Variants in PAK6 observed in about 807,000 individuals in gnomAD.
The protein encoded by PAK6 is serine/threonine-protein kinase PAK 6.
PAK6 carries 33 observed loss-of-function variants against 60.8 expected under a neutral mutation model. That is an observed-to-expected ratio of 0.54 (90% CI 0.41 to 0.73). PAK6 has a LOEUF of 0.73. PAK6 is among the 30% of genes least tolerant of loss of function. The pLI, the probability that PAK6 is intolerant of heterozygous loss-of-function variation, is 0.00. For missense variants in PAK6, 845 were observed against 904.1 expected, an observed-to-expected ratio of 0.93 and a Z score of 0.84; for synonymous variants, 404 against 378.5, an observed-to-expected ratio of 1.07 and a Z score of -0.78.
At chr15:40,271,723 G>A (rs565552540) in intron 5 of PAK6, among the ~76,000 whole-genome samples, 5 of 150,302 alleles carry the variant, frequency 3.3e-5, no homozygotes, top group Admixed American at 2.6e-4. Flanking sequence ...CCTTGGTTCA[G>A]GGAGTGGAGA....
At chr15:40,268,274 G>A (rs1391804734) in intron 5 of PAK6, among the ~76,000 whole-genome samples, 5 of 152,286 alleles carry the variant, frequency 3.3e-5, no homozygotes, top group Admixed American at 1.3e-4. Context: ...GCTTCTCAGC[G>A]TCCTCACTGC....
At chr15:40,274,007 C>G in intron 9 of PAK6, 135 bp from the exon 10 acceptor site, 2 of 1,025,756 alleles carry the variant, frequency 1.9e-6, no homozygotes, top group South Asian at 2.8e-5. Context: ...GGGCAGGTGA[C>G]CAGGGGAGGA....
Position 40,276,147 on chromosome 15 carries a change from A to G in PAK6, c.*53A>G, listed in dbSNP as rs1008467992. On this transcript the variant is annotated 3_prime_UTR_variant, in exon 11 of 11. Coordinates refer to ENST00000560346, the Ensembl canonical transcript of PAK6. ...CGCCCACAGGCAGGGCACACTGGGC[A>G]GCCAGCCTGCCGGCAGGACTTGCCT... The G allele has an allele frequency of 1.9e-6, 3 of 1,559,712 alleles. No homozygotes were observed. The East Asian group carries it at 6.8e-5, about 35-fold the overall frequency.
intron 5 of PAK6, among the ~76,000 whole-genome samples, chr15:40,270,469 C>T (rs924514708): frequency 4.6e-5 from 7 of 152,226 alleles, no homozygotes; most frequent in African/African-American, 1.4e-4. Context: ...TCTCTGCACA[C>T]GTCCCTGCAT....
At chr15:40,249,227 C>G (rs1437691098) in intron 2 of PAK6, among the ~76,000 whole-genome samples, 2 of 152,004 alleles carry the variant, frequency 1.3e-5, no homozygotes, top group Non-Finnish European at 2.9e-5. Flanking sequence ...AATCACCTGC[C>G]AACAACCCCG....
chr15:40,240,826 G>A (rs750222241), intron 2 of PAK6, 145 bp downstream of exon 2: 29 of 328,136 alleles, frequency 8.8e-5, no homozygotes, highest in Admixed American at 3.7e-4. Flanking sequence ...CTCCCCACCC[G>A]GCCTGCCACC....
exon 5 of PAK6, chr15:40,265,977 C>A: frequency 6.2e-7 from 1 of 1,602,736 alleles, no homozygotes; most frequent in Non-Finnish European, 8.5e-7. Flanking sequence ...GGCACAGTCC[C>A]TGGGGCTGCT....
intron 5 of PAK6, among the ~76,000 whole-genome samples, chr15:40,267,466 G>A (rs970432712): frequency 2.0e-5 from 3 of 152,184 alleles, no homozygotes; most frequent in Non-Finnish European, 4.4e-5. Context: ...GACCATCCTC[G>A]CTAACACGGT....
chr15:40,252,942 C>T, intron 2 of PAK6: 1 of 961,580 alleles, frequency 1.0e-6, no homozygotes, highest in Non-Finnish European at 1.3e-6. Flanking sequence ...GCCGGGTGGC[C>T]GCGCCGGGTC....
rs747844675 is a variant in PAK6, at chr15:40,253,210, G to T, written c.-85G>T. The T allele has an allele frequency of 2.6e-5, 12 of 456,008 alleles. No homozygotes were observed. In the East Asian group the frequency reaches 4.9e-4, roughly 18 times the overall value. 28.2% of individuals were successfully genotyped at this position (456,008 alleles called of 1,614,324 possible). A position where few individuals can be genotyped will look rare whatever the true frequency, so the allele number is the denominator to read the frequency against. On this transcript the variant is annotated 5_prime_UTR_variant, in exon 3 of 11. Transcript: ENST00000560346. ...GAGGACTGGCCCAGCAAGGTCCCAG[G>T]TCTTCCCTCTCCTCAGCGCCTAAGA...
chr15:40,246,516 T>C (rs1019380837), intron 2 of PAK6: 7 of 152,134 alleles, frequency 4.6e-5, no homozygotes, highest in African/African-American at 1.7e-4. Flanking sequence ...GGGGGAAGAA[T>C]GCAAGGCCGC....
intron 3 of PAK6, among the ~76,000 whole-genome samples, chr15:40,262,063 G>C (rs2038999627): frequency 6.6e-6 from 1 of 152,090 alleles, no homozygotes; most frequent in South Asian, 2.1e-4. Context: ...GGGTGGTGGG[G>C]GGCGGATTCA....
At chr15:40,264,912 A>G in exon 4 of PAK6, 2 of 1,613,882 alleles carry the variant, frequency 1.2e-6, no homozygotes, top group Non-Finnish European at 1.7e-6. Flanking sequence ...ATGGCAGAAC[A>G]TCCTGGACAC....
intron 2 of PAK6, among the ~76,000 whole-genome samples, chr15:40,241,838 C>G (rs1359448800): frequency 6.6e-6 from 1 of 152,200 alleles, no homozygotes; most frequent in African/African-American, 2.4e-5. Flanking sequence ...AGTCCCCTGC[C>G]CTGGAGGAGC....
chr15:40,249,626 A>C (rs753573020), intron 2 of PAK6, among the ~76,000 whole-genome samples: 3 of 152,212 alleles, frequency 2.0e-5, no homozygotes, highest in Non-Finnish European at 4.4e-5. Flanking sequence ...ATCCCCAGAA[A>C]ACTTTTCAAG....
intron 3 of PAK6, among the ~76,000 whole-genome samples, chr15:40,258,120 C>G (rs1010618914): frequency 3.9e-5 from 6 of 152,202 alleles, no homozygotes; most frequent in African/African-American, 1.2e-4. Flanking sequence ...TGGAAAAACA[C>G]CTGGTTCCTT....
exon 9 of PAK6, chr15:40,273,557 C>T (rs761663909): frequency 6.2e-7 from 1 of 1,613,970 alleles, no homozygotes; most frequent in South Asian, 1.1e-5. Flanking sequence ...GCAGGTGAAG[C>T]TCTCGGACTT....
chr15:40,266,632 G>A (rs772973161), intron 5 of PAK6, 137 bp downstream of exon 5: 23 of 774,146 alleles, frequency 3.0e-5, no homozygotes, highest in African/African-American at 7.0e-5. Context: ...AAATGTGCAC[G>A]GTAACCTCTT....
intron 3 of PAK6, chr15:40,264,004 C>A (rs915917460): frequency 8.8e-6 from 4 of 453,110 alleles, no homozygotes; most frequent in African/African-American, 2.0e-5. Flanking sequence ...AGAGCTTTAC[C>A]CCTAAGTTAG....
Sources: gnomAD v4.1 joint callset for allele counts (sites outside exome capture counted in the v4.1 genomes callset) on GRCh38, gnomAD v4.1.1 for gene constraint, MANE v1.5 for transcripts, NCBI Gene and HGNC (gene_info 2026-07-23, HGNC 2026-07-21) for gene names.